The following B4GALT5 variants were observed in gnomAD, a reference collection of about 807,000 sequenced individuals.
B4GALT5 encodes the protein UDP-Gal:beta-GlcNAc beta-1,4-galactosyltransferase 5.
A neutral mutation model predicts 45.0 loss-of-function variants in B4GALT5; 11 were observed. The ratio of observed to expected loss-of-function variants is 0.24; its 90% CI spans 0.15 to 0.40. B4GALT5 has a LOEUF of 0.40. Ranked by LOEUF, B4GALT5 falls within the 10% of genes least tolerant of loss-of-function variation. The pLI, the probability that B4GALT5 is intolerant of heterozygous loss-of-function variation, is 1.00. For missense variants in B4GALT5, 337 were observed against 500.2 expected, an observed-to-expected ratio of 0.67 and a Z score of 3.11; for synonymous variants, 185 against 182.9, an observed-to-expected ratio of 1.01 and a Z score of -0.09.
intron 1 of B4GALT5, among the ~76,000 whole-genome samples, chr20:49,659,480 A>C (rs1450938275): frequency 6.6e-6 from 1 of 152,324 alleles, no homozygotes; most frequent in East Asian, 1.9e-4. Context: ...TTCACTAACA[A>C]CTGTCTCGTG....
At chr20:49,686,815 C>T (rs1177317842) in intron 1 of B4GALT5, among the ~76,000 whole-genome samples, 1 of 151,172 alleles carries the variant, frequency 6.6e-6, no homozygotes, top group Non-Finnish European at 1.5e-5. Context: ...GGAAGGATCC[C>T]TTCAGCCCAG....
At chr20:49,675,139 C>T (rs543565841) in intron 1 of B4GALT5, among the ~76,000 whole-genome samples, 30 of 152,186 alleles carry the variant, frequency 2.0e-4, no homozygotes, top group Non-Finnish European at 3.5e-4. Flanking sequence ...TCCCCTTCCA[C>T]GAGCAGCCTG....
rs192115067 is a variant in B4GALT5, at chr20:49,712,657, C to T, written c.115+919G>A. Among the ~76,000 whole-genome samples the T allele has an allele frequency of 4.2e-4, 64 of 152,246 alleles. 1 individual carries two copies. The East Asian group carries it at 8.5e-3, about 20-fold the overall frequency. ...ACTTCTCCTTTGTCCGCAGAGCAGG[C>T]ACTATCCAATACTGAAGAACCACAC... is the stretch of plus-strand genomic sequence containing the variant. On this transcript the variant is annotated intron_variant, in intron 1 of 8. Coordinates refer to ENST00000371711, the MANE Select transcript of B4GALT5 (RefSeq NM_004776.4).
intron 1 of B4GALT5, among the ~76,000 whole-genome samples, chr20:49,686,831 C>T (rs1357841461): frequency 2.7e-5 from 4 of 149,576 alleles, no homozygotes; most frequent in East Asian, 2.0e-4. Flanking sequence ...CCCAGAAGTT[C>T]GAGGCTGCAA....
intron 2 of B4GALT5, among the ~76,000 whole-genome samples, chr20:49,650,792 G>A (rs971775670): frequency 9.9e-5 from 15 of 152,134 alleles, no homozygotes; most frequent in African/African-American, 2.9e-4. Flanking sequence ...GTCCAGCAAC[G>A]GGTGGGGTTA....
chr20:49,702,474 T>C (rs1314043155), intron 1 of B4GALT5, among the ~76,000 whole-genome samples: 3 of 152,194 alleles, frequency 2.0e-5, no homozygotes, highest in Non-Finnish European at 2.9e-5. Flanking sequence ...AAGGACACTA[T>C]CAGAAGTGAA....
intron 1 of B4GALT5, among the ~76,000 whole-genome samples, chr20:49,695,504 C>G (rs890397879): frequency 6.6e-6 from 1 of 151,994 alleles, no homozygotes; most frequent in African/African-American, 2.4e-5. Context: ...CTCCACCTCC[C>G]GGGTTCAAGC....
At chr20:49,642,316 G>C (rs1489972457) in intron 5 of B4GALT5, 152 bp downstream of exon 5, 1 of 638,854 alleles carries the variant, frequency 1.6e-6, no homozygotes, top group Non-Finnish European at 2.8e-6. Context: ...CAGGAGCACA[G>C]AATTGCTCTC....
intron 1 of B4GALT5, among the ~76,000 whole-genome samples, chr20:49,673,957 G>A (rs1417579846): frequency 6.6e-6 from 1 of 151,800 alleles, no homozygotes; most frequent in Non-Finnish European, 1.5e-5. Context: ...AGTTCTGGGG[G>A]CCAGGCATGG....
At chr20:49,669,416 G>A (rs554868006) in intron 1 of B4GALT5, among the ~76,000 whole-genome samples, 1 of 152,216 alleles carries the variant, frequency 6.6e-6, no homozygotes, top group South Asian at 2.1e-4. Context: ...AATTACATAG[G>A]CTGGGCGTGG....
chr20:49,702,806 G>C (rs1021046715), intron 1 of B4GALT5, among the ~76,000 whole-genome samples: 1 of 151,932 alleles, frequency 6.6e-6, no homozygotes, highest in African/African-American at 2.4e-5. Flanking sequence ...AGTGAGCCGT[G>C]ATAGTGCCAC....
At chr20:49,644,891 G>A (rs945003581) in intron 3 of B4GALT5, among the ~76,000 whole-genome samples, 2 of 152,008 alleles carry the variant, frequency 1.3e-5, no homozygotes, top group African/African-American at 4.8e-5. Flanking sequence ...CTTTGCAAAT[G>A]TAAGATTTTC....
chr20:49,639,721 C>A lies in B4GALT5; in HGVS notation c.874G>T (p.Ala292Ser), dbSNP rs1301331933. 1.2e-6 allele frequency: 2 copies of A among 1,613,708 alleles called. No individual in the cohort carries two copies. Among genetic ancestry groups the A allele is most frequent in the Admixed American group, 1.7e-5 (1 of 59,996 alleles). Residue 292 changes from alanine (A) to serine (S), a missense_variant, in exon 7 of 9, where the codon GCT becomes TCT. Around this residue, in one of 2 missense-constraint regions of B4GALT5, gnomAD observed 163 missense variants for 292.8 expected, o/e 0.56. Transcript: ENST00000371711. Reference sequence around the variant, plus strand: ...TCTTCTCCACCCCAACCCCAGAAAGCATTAGGAAAGCCATTGATTTTCCGA... The same window carrying A: ...TCTTCTCCACCCCAACCCCAGAAAGAATTAGGAAAGCCATTGATTTTCCGA... ...QFRKINGFPN[A>S]FWGWGGEDDD...
intron 1 of B4GALT5, among the ~76,000 whole-genome samples, chr20:49,696,093 T>C (rs983018911): frequency 6.6e-6 from 1 of 152,230 alleles, no homozygotes. Flanking sequence ...AGTAAATGTA[T>C]ATAGTTAATG....
intron 6 of B4GALT5, 85 bp downstream of exon 6, chr20:49,640,393 G>T: frequency 1.6e-6 from 2 of 1,239,152 alleles, no homozygotes; most frequent in Non-Finnish European, 2.2e-6. Flanking sequence ...TGGGCATCTA[G>T]GTTGCAGCTA....
intron 1 of B4GALT5, among the ~76,000 whole-genome samples, chr20:49,688,469 C>T (rs183995427): frequency 2.0e-5 from 3 of 152,256 alleles, no homozygotes; most frequent in East Asian, 1.9e-4. Context: ...ACCAAAACCA[C>T]GCCCTTGCTG....
chr20:49,674,691 A>G (rs1217248680), intron 1 of B4GALT5, among the ~76,000 whole-genome samples: 1 of 143,704 alleles, frequency 7.0e-6, no homozygotes, highest in Non-Finnish European at 1.5e-5. Flanking sequence ...ATCCCTATTA[A>G]AAAAAAAAAA....
At chr20:49,655,386 A>G (rs1267033194) in intron 2 of B4GALT5, among the ~76,000 whole-genome samples, 2 of 151,032 alleles carry the variant, frequency 1.3e-5, no homozygotes, top group Non-Finnish European at 3.0e-5. Context: ...AGCCGAGATT[A>G]ACACCACTGC....
chr20:49,646,952 G>A lies in B4GALT5; in HGVS notation c.364+13C>T. On this transcript the variant is annotated intron_variant, in intron 3 of 8. Transcript: ENST00000371711. Reference sequence around the variant, plus strand: ...TTTAAAAGCAGAGGAAGACAGGCCAGAGCTGTACTCACTCATGGAAGGGAG... The same window carrying A: ...TTTAAAAGCAGAGGAAGACAGGCCAAAGCTGTACTCACTCATGGAAGGGAG... The A allele has an allele frequency of 6.5e-7, 1 of 1,549,034 alleles. No homozygotes were observed. The highest frequency in any genetic ancestry group is 8.9e-7 in the Non-Finnish European group (1 of 1,121,760).
Sources: allele counts gnomAD v4.1 joint callset (sites outside exome capture counted in the v4.1 genomes callset), GRCh38; gene constraint gnomAD v4.1.1; regional missense constraint gnomAD v4.1.1; transcripts MANE v1.5; gene names NCBI Gene and HGNC (gene_info 2026-07-23, HGNC 2026-07-21).